The following GLIS3 variants were observed in gnomAD, a reference collection of about 807,000 sequenced individuals.
GLIS3 encodes zinc finger protein GLIS3.
Under a neutral mutation model 78.6 loss-of-function variants are expected in GLIS3, and 53 were observed. That is an observed-to-expected ratio of 0.67 (90% CI 0.54 to 0.85). The LOEUF is 0.85. Among genes scored for constraint, GLIS3 ranks in the 40% least tolerant of loss-of-function variants. The pLI is 0.00. For missense variants in GLIS3, 1,703 were observed against 1,231.1 expected (o/e 1.38, Z -5.74); for synonymous variants, 684 against 509.9 (o/e 1.34, Z -4.60).
chr9:3,966,435 C>CTTTTTTTTT (rs764863612), intron 4 of GLIS3, among the ~76,000 whole-genome samples: 1 of 150,740 alleles, frequency 6.6e-6, no homozygotes. Flanking sequence ...TGATGCAAAG[C>CTTTTTTTTT]CTTTTTTTTT....
Position 4,051,009 on chromosome 9 carries a change from T to C in GLIS3, c.1710+66759A>G, listed in dbSNP as rs149754324. On this transcript the variant is annotated intron_variant, in intron 4 of 10. Transcript: ENST00000381971. ...AACAATAAACTCCTTCTGAAGAATG[T>C]AGGATCCTAGGCAAATTAATTACTA... Among the ~76,000 whole-genome samples, 12 of 152,176 alleles carry C rather than the reference T, an allele frequency of 7.9e-5. No homozygotes were observed. In the East Asian group the frequency reaches 2.3e-3, roughly 29 times the overall value.
At chr9:4,321,146 C>T (rs184106530) in intron 2 of GLIS3, among the ~76,000 whole-genome samples, 11 of 151,576 alleles carry the variant, frequency 7.3e-5, no homozygotes, top group Admixed American at 1.3e-4. Context: ...CAAGGCCGGG[C>T]GCGGTGGCTC....
At chr9:4,212,136 G>A (rs986045584) in intron 2 of GLIS3, among the ~76,000 whole-genome samples, 3 of 152,180 alleles carry the variant, frequency 2.0e-5, no homozygotes, top group Non-Finnish European at 2.9e-5. Flanking sequence ...CATATGCATC[G>A]AGTGGGTGAA....
chr9:4,092,700 CATA>C (rs925659550), intron 4 of GLIS3, among the ~76,000 whole-genome samples: 25 of 152,048 alleles, frequency 1.6e-4, no homozygotes, highest in African/African-American at 5.8e-4. Context: ...TGTCATCTCC[CATA>C]ATAACAATGC....
chr9:4,156,473 G>A (rs1835049849), intron 2 of GLIS3, among the ~76,000 whole-genome samples: 1 of 152,170 alleles, frequency 6.6e-6, no homozygotes, highest in Non-Finnish European at 1.5e-5. Flanking sequence ...CCTGTGTTAA[G>A]TATTACAGAC....
intron 4 of GLIS3, among the ~76,000 whole-genome samples, chr9:4,307,103 T>A: frequency 6.6e-6 from 1 of 152,206 alleles, no homozygotes; most frequent in Non-Finnish European, 1.5e-5. Flanking sequence ...AGGGGCTTAT[T>A]ATGTATCAGG....
At chr9:4,267,759 A>C (rs10217807) in intron 2 of GLIS3, among the ~76,000 whole-genome samples, 1 of 152,192 alleles carries the variant, frequency 6.6e-6, no homozygotes, top group Non-Finnish European at 1.5e-5. Context: ...CATTTTACAA[A>C]GAGTACAGAT....
chr9:3,833,112 C>G (rs571097828), intron 9 of GLIS3, among the ~76,000 whole-genome samples: 1 of 152,188 alleles, frequency 6.6e-6, no homozygotes, highest in Admixed American at 6.5e-5. Context: ...TAGTCTGGAT[C>G]TGAGCGAGGA....
chr9:3,971,649 A>G (rs1818390458), intron 4 of GLIS3, among the ~76,000 whole-genome samples: 1 of 152,208 alleles, frequency 6.6e-6, no homozygotes, highest in Admixed American at 6.5e-5. Context: ...TACACACAGT[A>G]GCATGACAGG....
At chr9:4,431,788 G>A in the GLIS3 span, among the ~76,000 whole-genome samples, 26 of 149,490 alleles carry the variant, frequency 1.7e-4, no homozygotes, top group Admixed American at 1.3e-3. Flanking sequence ...AGGTTGTAGC[G>A]AGCCTAGATG....
intron 2 of GLIS3, among the ~76,000 whole-genome samples, chr9:4,335,573 A>T (rs1199472529): frequency 6.6e-6 from 1 of 152,056 alleles, no homozygotes; most frequent in Non-Finnish European, 1.5e-5. Flanking sequence ...TATCTCCCTC[A>T]CCAGCCCTGG....
chr9:4,147,050 C>G (rs1834276133), intron 2 of GLIS3, among the ~76,000 whole-genome samples: 1 of 152,178 alleles, frequency 6.6e-6, no homozygotes. Context: ...TGACCTAGCA[C>G]CTGACATTTA....
At chr9:3,986,922 C>G (rs1385807891) in intron 4 of GLIS3, among the ~76,000 whole-genome samples, 1 of 152,122 alleles carries the variant, frequency 6.6e-6, no homozygotes, top group Non-Finnish European at 1.5e-5. Context: ...TTTAAAATCA[C>G]CCATCAACTA....
intron 2 of GLIS3, among the ~76,000 whole-genome samples, chr9:4,193,602 G>C (rs1818527218): frequency 6.6e-6 from 1 of 152,188 alleles, no homozygotes. Flanking sequence ...CAATAACATA[G>C]GGTACAAAAT....
At chr9:4,212,395 G>C (rs904865785) in intron 2 of GLIS3, among the ~76,000 whole-genome samples, 1 of 152,150 alleles carries the variant, frequency 6.6e-6, no homozygotes, top group Non-Finnish European at 1.5e-5. Context: ...GATTTTCTGA[G>C]ATCTTTGTAT....
At chr9:4,246,244 A>G (rs7874484) in intron 2 of GLIS3, among the ~76,000 whole-genome samples, 6,020 of 152,234 alleles carry the variant, frequency 0.04, 409 homozygotes, top group African/African-American at 0.14. Context: ...CAAAAGAAAC[A>G]AATTAAACAC....
chr9:3,908,319 C>A (rs948393910), intron 6 of GLIS3, among the ~76,000 whole-genome samples: 2 of 152,152 alleles, frequency 1.3e-5, no homozygotes, highest in African/African-American at 2.4e-5. Flanking sequence ...CCTAATCTAA[C>A]CCTCAGAAAC....
chr9:4,271,524 G>T (rs1826505983), intron 2 of GLIS3, among the ~76,000 whole-genome samples: 1 of 152,184 alleles, frequency 6.6e-6, no homozygotes, highest in Non-Finnish European at 1.5e-5. Context: ...TGTATAAAGA[G>T]AAGCACAGAA....
intron 2 of GLIS3, among the ~76,000 whole-genome samples, chr9:4,267,007 C>A (rs1189491259): frequency 6.6e-6 from 1 of 152,082 alleles, no homozygotes; most frequent in African/African-American, 2.4e-5. Context: ...CAATTCTTTC[C>A]TAAAAATCAA....
Sources: allele counts gnomAD v4.1 joint callset (sites outside exome capture counted in the v4.1 genomes callset), GRCh38; gene constraint gnomAD v4.1.1; transcripts MANE v1.5; gene names NCBI Gene and HGNC (gene_info 2026-07-23, HGNC 2026-07-21).